The following ANKRD12 variants were observed in gnomAD, a reference collection of about 807,000 sequenced individuals.
The protein encoded by ANKRD12 is ankyrin repeat domain-containing protein 12.
In ANKRD12, 85 loss-of-function variants were observed where a neutral mutation model predicts 183.4. The observed-to-expected ratio is 0.46, with a 90% CI of 0.39 to 0.56. ANKRD12 has a LOEUF of 0.56. Ranked by LOEUF, ANKRD12 falls within the 20% of genes least tolerant of loss-of-function variation. The probability of loss-of-function intolerance (pLI) is 0.00; values close to 1 mark genes in which losing one functional copy is unlikely to be tolerated. For synonymous variants in ANKRD12, 914 were observed against 800.2 expected (o/e 1.14, Z -2.40); for missense variants, 2,405 against 2,357.1 (o/e 1.02, Z -0.42).
chr18:9,231,368 A>G lies in ANKRD12; in HGVS notation c.943+9369A>G, dbSNP rs146002849. ...TGTTGAAGTCCCCCGTTACTATTGT[A>G]TTGGAGTCTTCCTTTGTATCTAGGA... is the stretch of plus-strand genomic sequence containing the variant. On this transcript the variant is annotated intron_variant, in intron 8 of 12. Transcript: ENST00000262126. 9.4e-3 allele frequency among the ~76,000 whole-genome samples: 1,433 copies of G among 152,138 alleles called. 23 individuals are homozygous for G. The highest frequency in any genetic ancestry group is 0.033 in the African/African-American group (1,356 of 41,504).
At chr18:9,247,144 TTTTGTTTGTTTG>T (rs142132342) in intron 8 of ANKRD12, among the ~76,000 whole-genome samples, 2 of 151,910 alleles carry the variant, frequency 1.3e-5, no homozygotes, top group African/African-American at 4.8e-5. Context: ...GAAATAATGA[TTTTGTTTGTTTG>T]TTTGTTTGTT....
intron 10 of ANKRD12, among the ~76,000 whole-genome samples, chr18:9,267,690 C>T (rs1368012402): frequency 1.3e-5 from 2 of 151,702 alleles, no homozygotes; most frequent in Non-Finnish European, 2.9e-5. Context: ...AAATTGACAC[C>T]CTAACATCAC....
intron 9 of ANKRD12, among the ~76,000 whole-genome samples, chr18:9,261,521 C>A (rs1407419088): frequency 6.6e-6 from 1 of 152,206 alleles, no homozygotes; most frequent in Non-Finnish European, 1.5e-5. Context: ...GTGGAACATA[C>A]TTTAAGAAAA....
chr18:9,137,290 G>GC (rs1250372383), intron 1 of ANKRD12, among the ~76,000 whole-genome samples: 1 of 146,544 alleles, frequency 6.8e-6, no homozygotes, highest in Non-Finnish European at 1.5e-5. Context: ...ACTGGGCGGG[G>GC]GCGCTGCGCG....
At chr18:9,236,701 G>A (rs910234637) in intron 8 of ANKRD12, among the ~76,000 whole-genome samples, 1 of 152,158 alleles carries the variant, frequency 6.6e-6, no homozygotes, top group African/African-American at 2.4e-5. Context: ...GAGAAAAACA[G>A]ATGGAAGATA....
intron 8 of ANKRD12, among the ~76,000 whole-genome samples, chr18:9,253,272 C>A (rs2038407152): frequency 6.6e-6 from 1 of 152,140 alleles, no homozygotes; most frequent in South Asian, 2.1e-4. Flanking sequence ...CTCTATTGTG[C>A]TACTGAACAC....
At chr18:9,173,623 G>C (rs1200565297) in intron 1 of ANKRD12, among the ~76,000 whole-genome samples, 3 of 30,472 alleles carry the variant, frequency 9.8e-5, no homozygotes, top group Admixed American at 4.4e-4. Context: ...TGGTGGGGGG[G>C]GGGTAGGGGG....
intron 1 of ANKRD12, among the ~76,000 whole-genome samples, chr18:9,153,008 A>T (rs1400986874): frequency 6.6e-6 from 1 of 151,924 alleles, no homozygotes; most frequent in Non-Finnish European, 1.5e-5. Flanking sequence ...TTTTTAAAAA[A>T]TTTTTCTGTA....
intron 1 of ANKRD12, among the ~76,000 whole-genome samples, chr18:9,139,028 T>C (rs1327650616): frequency 6.6e-6 from 1 of 152,240 alleles, no homozygotes; most frequent in Non-Finnish European, 1.5e-5. Flanking sequence ...ATAGTTTTCA[T>C]AATCTCATAA....
In ANKRD12 at chr18:9,255,645, T is replaced by A; in HGVS notation, c.2378T>A (p.Ile793Asn). Residue 793 changes from isoleucine (I) to asparagine (N), a missense_variant, in exon 9 of 13, where the codon ATT becomes AAT. Coordinates refer to ENST00000262126, the MANE Select transcript of ANKRD12 (RefSeq NM_015208.5). ...SEFTSLGMSA[I>N]EESIGLHLVE... ...TTTACTTCTTTGGGTATGAGTGCCA[T>A]TGAGGAATCTATAGGGCTTCATTTA... is the stretch of plus-strand genomic sequence containing the variant. 6.3e-7 allele frequency: 1 copy of A among 1,578,416 alleles called. No homozygotes were observed. Among genetic ancestry groups the A allele is most frequent in the Non-Finnish European group, 8.5e-7 (1 of 1,170,998 alleles).
Position 9,195,552 on chromosome 18 carries a change from G to A in ANKRD12, c.89G>A (p.Ser30Asn), listed in dbSNP as rs752337620. ...TTACTCTATTTGACTTTTTAATAGA[G>A]TAAAGACAAGATTGCATCCTACAGC... The part of the protein sequence containing the change: ...NMVEKPYGRK[S>N]KDKIASYSKT... The change falls in exon 3 of 13, where the codon AGT (serine) becomes AAT (asparagine). Residue 30 changes from serine to asparagine, a missense_variant and splice_region_variant. Ser to Asn is a conservative substitution (Grantham distance 46). Coordinates refer to ENST00000262126, the MANE Select transcript of ANKRD12 (RefSeq NM_015208.5). The A allele has an allele frequency of 4.4e-6, 7 of 1,596,762 alleles. No individual in the cohort carries two copies. Among genetic ancestry groups the A allele is most frequent in the Non-Finnish European group, 6.0e-6 (7 of 1,170,706 alleles).
chr18:9,238,159 C>T (rs2037455464), intron 8 of ANKRD12, among the ~76,000 whole-genome samples: 1 of 152,116 alleles, frequency 6.6e-6, no homozygotes, highest in African/African-American at 2.4e-5. Context: ...GGCTTTCGTC[C>T]AGCTCCCCAG....
In ANKRD12 at chr18:9,258,330, A is replaced by C; in HGVS notation, c.5063A>C (p.Gln1688Pro). ...CLLSIEDEESQQSILSSLENH... is the reference protein window; with the variant it reads ...CLLSIEDEESPQSILSSLENH... Reference sequence around the variant, plus strand: ...CTTTCCATAGAAGATGAGGAATCTCAACAAAGCATTTTATCAAGTCTGGAA... The same window carrying C: ...CTTTCCATAGAAGATGAGGAATCTCCACAAAGCATTTTATCAAGTCTGGAA... Residue 1688 changes from glutamine (Q) to proline (P), a missense_variant, in exon 9 of 13, where the codon CAA becomes CCA. Physicochemically the swap from Gln to Pro is moderately conservative, Grantham distance 76. Around this residue, in one of 7 missense-constraint regions of ANKRD12, gnomAD observed 1,983 missense variants for 1,725.9 expected, o/e 1.15. Coordinates refer to ENST00000262126, the MANE Select transcript of ANKRD12 (RefSeq NM_015208.5). The C allele has an allele frequency of 6.2e-7, 1 of 1,613,822 alleles. No individual in the cohort carries two copies.
At chr18:9,223,725 C>G (rs1026145261) in intron 8 of ANKRD12, among the ~76,000 whole-genome samples, 2 of 151,904 alleles carry the variant, frequency 1.3e-5, no homozygotes, top group African/African-American at 4.8e-5. Context: ...GTTAGAAATA[C>G]AAGATAAAAT....
At chr18:9,182,623 C>T in intron 2 of ANKRD12, 104 bp downstream of exon 2, 1 of 599,456 alleles carries the variant, frequency 1.7e-6, no homozygotes. Context: ...AATATGGATG[C>T]CAGATAAATC....
At chr18:9,187,645 A>G (rs939201743) in intron 2 of ANKRD12, among the ~76,000 whole-genome samples, 1 of 152,206 alleles carries the variant, frequency 6.6e-6, no homozygotes, top group Admixed American at 6.5e-5. Flanking sequence ...TTTGACAAGA[A>G]TGTTCACACC....
rs370092629 is a variant in ANKRD12 at position 9,188,678 on chromosome 18, T to C, written c.87+6159T>C. Among the ~76,000 whole-genome samples the C allele has an allele frequency of 1.5e-4, 23 of 152,372 alleles. No homozygotes were observed. The South Asian group carries it at 2.1e-3, about 14-fold the overall frequency. The stretch of plus-strand genomic sequence containing the variant: ...CATTGGCAACATTTTTCCAACAGCA[T>C]GTACTCACTTGTCTCTATGTCACAT... On this transcript the variant is annotated intron_variant, in intron 2 of 12. Transcript: ENST00000262126.
chr18:9,144,305 T>C (rs1050600190), intron 1 of ANKRD12, among the ~76,000 whole-genome samples: 1 of 152,222 alleles, frequency 6.6e-6, no homozygotes, highest in African/African-American at 2.4e-5. Context: ...TCTTTATATA[T>C]TAGTGATTAT....
In ANKRD12 at chr18:9,236,997, G is replaced by T. The variant is rs927981257; in HGVS notation, c.943+14998G>T. ...GCTGAGATACTACTCACCTGTCAGG[G>T]TAAAAGGATAATTGCAAACATTTAA... On this transcript the variant is annotated intron_variant, in intron 8 of 12. Transcript: ENST00000262126. 1.3e-5 allele frequency among the ~76,000 whole-genome samples: 2 copies of T among 152,048 alleles called. 1 individual carries two copies. Among genetic ancestry groups the T allele is most frequent in the South Asian group, 4.1e-4 (2 of 4,824 alleles).
Sources: gnomAD v4.1 joint callset for allele counts (sites outside exome capture counted in the v4.1 genomes callset) on GRCh38, gnomAD v4.1.1 for gene constraint, gnomAD v4.1.1 regional missense constraint, MANE v1.5 for transcripts, NCBI Gene and HGNC (gene_info 2026-07-23, HGNC 2026-07-21) for gene names.